Variants in SLC35F1 observed in about 807,000 individuals in gnomAD.
SLC35F1 encodes solute carrier family 35 member F1.
SLC35F1 carries 14 observed loss-of-function variants against 48.7 expected under a neutral mutation model. The observed-to-expected ratio is 0.29, with a 90% CI of 0.19 to 0.45. The LOEUF (loss-of-function observed/expected upper bound fraction) is 0.45. Among genes scored for constraint, SLC35F1 ranks in the 20% least tolerant of loss-of-function variants. SLC35F1 has a pLI of 1.00. For missense variants in SLC35F1, 404 were observed against 500.0 expected (o/e 0.81, Z 1.83); for synonymous variants, 190 against 202.2 (o/e 0.94, Z 0.51).
intron 3 of SLC35F1, among the ~76,000 whole-genome samples, chr6:118,265,852 T>C (rs1582759829): frequency 6.6e-6 from 1 of 152,280 alleles, no homozygotes; most frequent in Non-Finnish European, 1.5e-5. Flanking sequence ...AATCATAAGT[T>C]CCTCATGTGG....
At chr6:118,288,568 T>C (rs745646700) in intron 7 of SLC35F1, among the ~76,000 whole-genome samples, 15 of 152,168 alleles carry the variant, frequency 9.9e-5, no homozygotes, top group Admixed American at 9.2e-4. Flanking sequence ...GGTTTTATCA[T>C]GCAGATGAAG....
intron 1 of SLC35F1, among the ~76,000 whole-genome samples, chr6:117,950,149 A>T (rs1776345297): frequency 6.6e-6 from 1 of 152,124 alleles, no homozygotes; most frequent in Non-Finnish European, 1.5e-5. Context: ...TTTCTTTAAT[A>T]AGCTGGTAGA....
At chr6:118,149,460 G>T (rs568783298) in intron 1 of SLC35F1, among the ~76,000 whole-genome samples, 32 of 152,286 alleles carry the variant, frequency 2.1e-4, no homozygotes, top group Non-Finnish European at 3.8e-4. Context: ...AGGGCAGGGG[G>T]TATAGTTAGC....
At chr6:118,258,165 A>G (rs912895531) in intron 3 of SLC35F1, among the ~76,000 whole-genome samples, 1 of 152,112 alleles carries the variant, frequency 6.6e-6, no homozygotes. Context: ...TGAAAGTACA[A>G]TGAATTTTGT....
Position 118,095,304 on chromosome 6 carries a change from A to G in SLC35F1, c.174-59141A>G, listed in dbSNP as rs139708666. On this transcript the variant is annotated intron_variant, in intron 1 of 7. Coordinates refer to ENST00000360388, the MANE Select transcript of SLC35F1 (RefSeq NM_001029858.4). ...TTCCAAACAGGTGCCAGCATTGAATATCTCAGTAAAAAGACCGTGGCACTC... is the reference window on the plus strand; with the variant it reads ...TTCCAAACAGGTGCCAGCATTGAATGTCTCAGTAAAAAGACCGTGGCACTC... Among the ~76,000 whole-genome samples, 251 of 152,298 alleles carry G rather than the reference A, an allele frequency of 1.6e-3. 1 individual carries two copies. The highest frequency in any genetic ancestry group is 5.7e-3 in the African/African-American group (235 of 41,564).
chr6:117,959,645 A>G (rs1018140745), intron 1 of SLC35F1, among the ~76,000 whole-genome samples: 3 of 152,172 alleles, frequency 2.0e-5, no homozygotes, highest in Non-Finnish European at 4.4e-5. Context: ...CACTTTTTGG[A>G]TGAATAATGT....
At chr6:118,126,163 T>G (rs4512262) in intron 1 of SLC35F1, among the ~76,000 whole-genome samples, 51,825 of 152,088 alleles carry the variant, frequency 0.34, 9,659 homozygotes, top group Non-Finnish European at 0.43. Flanking sequence ...CTGACTTTCC[T>G]GGACCTAGTG....
chr6:117,969,722 A>C (rs1776615533), intron 1 of SLC35F1, among the ~76,000 whole-genome samples: 1 of 152,234 alleles, frequency 6.6e-6, no homozygotes, highest in South Asian at 2.1e-4. Flanking sequence ...TTCTTAAAAA[A>C]AAAATCATCT....
intron 1 of SLC35F1, among the ~76,000 whole-genome samples, chr6:118,108,478 G>A (rs1326950201): frequency 2.0e-5 from 3 of 152,156 alleles, no homozygotes; most frequent in African/African-American, 7.2e-5. Flanking sequence ...CTGGAATGGG[G>A]AAAGTCAGAA....
At chr6:118,250,143 A>G (rs1775555357) in intron 3 of SLC35F1, among the ~76,000 whole-genome samples, 1 of 152,214 alleles carries the variant, frequency 6.6e-6, no homozygotes, top group Non-Finnish European at 1.5e-5. Context: ...TCATCTTTTC[A>G]GTGAACTCTT....
At chr6:118,155,418 A>T (rs1330626979) in intron 2 of SLC35F1, among the ~76,000 whole-genome samples, 1 of 152,204 alleles carries the variant, frequency 6.6e-6, no homozygotes, top group Non-Finnish European at 1.5e-5. Flanking sequence ...TAATGCCATT[A>T]TCATGGGATT....
At position 118,188,599 on chromosome 6, in the gene SLC35F1, C is replaced by T. The variant is rs1291065363; in HGVS notation, c.349+33979C>T. Among the ~76,000 whole-genome samples the T allele has an allele frequency of 4.7e-5, 7 of 149,720 alleles. No homozygotes were observed. The East Asian group carries it at 1.4e-3, about 29-fold the overall frequency. ...ATACTTCTGGTTGAAATCCCTTAAA[C>T]TTATTGGACAGTGCATTGGTAATTC... is the stretch of plus-strand genomic sequence containing the variant. On this transcript the variant is annotated intron_variant, in intron 2 of 7. Transcript: ENST00000360388.
At chr6:118,212,746 G>GGAAGGAAA (rs1775019999) in intron 2 of SLC35F1, among the ~76,000 whole-genome samples, 2 of 123,458 alleles carry the variant, frequency 1.6e-5, no homozygotes, top group Non-Finnish European at 1.7e-5. Flanking sequence ...AAGGAAGGAA[G>GGAAGGAAA]GAAGGAAGGA....
chr6:118,058,284 C>T (rs9385029), intron 1 of SLC35F1, among the ~76,000 whole-genome samples: 26,339 of 151,958 alleles, frequency 0.17, 2,650 homozygotes, highest in East Asian at 0.3. Flanking sequence ...TAACTCAGCC[C>T]GGCCTCTCTG....
At chr6:118,311,732 G>A (rs1010687447) in intron 7 of SLC35F1, among the ~76,000 whole-genome samples, 3 of 152,026 alleles carry the variant, frequency 2.0e-5, no homozygotes, top group Non-Finnish European at 2.9e-5. Context: ...TTGATGCTGC[G>A]GTAAACCATG....
intron 2 of SLC35F1, among the ~76,000 whole-genome samples, chr6:118,176,697 T>C (rs913041529): frequency 6.6e-6 from 1 of 152,172 alleles, no homozygotes; most frequent in African/African-American, 2.4e-5. Flanking sequence ...CTAACGTAGC[T>C]AAGCCTTACA....
intron 1 of SLC35F1, among the ~76,000 whole-genome samples, chr6:117,955,747 T>C (rs1401728624): frequency 1.3e-5 from 2 of 152,206 alleles, no homozygotes; most frequent in South Asian, 4.1e-4. Flanking sequence ...CAGTCTGGTG[T>C]TAGCCACTTT....
intron 2 of SLC35F1, among the ~76,000 whole-genome samples, chr6:118,168,708 T>G (rs966627881): frequency 6.6e-6 from 1 of 152,196 alleles, no homozygotes; most frequent in African/African-American, 2.4e-5. Context: ...GACCCCTCTA[T>G]GTAATGGCAA....
At chr6:118,023,076 GCT>G (rs1293454913) in intron 1 of SLC35F1, among the ~76,000 whole-genome samples, 2 of 152,024 alleles carry the variant, frequency 1.3e-5, no homozygotes, top group African/African-American at 4.8e-5. Flanking sequence ...TTTTCATAAT[GCT>G]CAGCCACCCT....
Sources: gnomAD v4.1 joint callset for allele counts (sites outside exome capture counted in the v4.1 genomes callset) on GRCh38, gnomAD v4.1.1 for gene constraint, MANE v1.5 for transcripts, NCBI Gene and HGNC (gene_info 2026-07-23, HGNC 2026-07-21) for gene names.